Variants in CNTNAP2 observed in about 807,000 individuals in gnomAD.
The protein encoded by CNTNAP2 is contactin associated protein 2, also known as contactin-associated protein-like 2.
CNTNAP2 carries 98 observed loss-of-function variants against 155.2 expected under a neutral mutation model. The observed-to-expected ratio is 0.63, with a 90% CI of 0.54 to 0.75. CNTNAP2 has a LOEUF of 0.75. CNTNAP2 is among the 30% of genes least tolerant of loss of function. The pLI is 0.00. For missense variants in CNTNAP2, 1,727 were observed against 1,688.1 expected (o/e 1.02, Z -0.40); for synonymous variants, 651 against 631.2 (o/e 1.03, Z -0.47).
chr7:146,726,295 T>C (rs1801429911), intron 1 of CNTNAP2, among the ~76,000 whole-genome samples: 1 of 152,204 alleles, frequency 6.6e-6, no homozygotes, highest in East Asian at 1.9e-4. Context: ...TTAAACACTT[T>C]ATGATTTGAT....
chr7:146,842,277 G>A (rs1429564341), intron 3 of CNTNAP2, among the ~76,000 whole-genome samples: 2 of 152,100 alleles, frequency 1.3e-5, no homozygotes, highest in African/African-American at 4.8e-5. Flanking sequence ...ATGAAGATAT[G>A]CTGGGTCTAC....
Position 148,288,032 on chromosome 7 carries a change from G to C in CNTNAP2, c.3475+20906G>C, listed in dbSNP as rs528050748. Among the ~76,000 whole-genome samples, 13 of 148,900 alleles carry C rather than the reference G, an allele frequency of 8.7e-5. No homozygotes were observed. In the East Asian group the frequency reaches 2.6e-3, roughly 30 times the overall value. On this transcript the variant is annotated intron_variant, in intron 21 of 23. Transcript: ENST00000361727. ...GTCTCAATCTCTTGACTTCGTGATC[G>C]GCCCGCCTTGGCCCCCCAAAGTGCG...
chr7:146,513,839 A>G (rs1166282024), intron 1 of CNTNAP2, among the ~76,000 whole-genome samples: 4 of 151,938 alleles, frequency 2.6e-5, no homozygotes, highest in Admixed American at 2.6e-4. Context: ...TAAACTGAAA[A>G]ATTCATTTTA....
intron 3 of CNTNAP2, among the ~76,000 whole-genome samples, chr7:146,840,266 T>C (rs1006151519): frequency 6.6e-6 from 1 of 152,186 alleles, no homozygotes; most frequent in African/African-American, 2.4e-5. Flanking sequence ...ATTGAAATTA[T>C]GAAGAATATA....
chr7:147,031,550 G>T (rs1273710994), intron 3 of CNTNAP2, among the ~76,000 whole-genome samples: 1 of 152,222 alleles, frequency 6.6e-6, no homozygotes, highest in African/African-American at 2.4e-5. Flanking sequence ...ATAACGATAT[G>T]AGGGAATCTT....
intron 16 of CNTNAP2, among the ~76,000 whole-genome samples, chr7:148,122,855 C>CAAAAAAAAA (rs1226178688): frequency 7.3e-6 from 1 of 137,012 alleles, no homozygotes; most frequent in African/African-American, 2.9e-5. Flanking sequence ...GAATACATCT[C>CAAAAAAAAA]AAAAAAAAAA....
chr7:146,851,984 C>A (rs1020411938), intron 3 of CNTNAP2, among the ~76,000 whole-genome samples: 1 of 151,948 alleles, frequency 6.6e-6, no homozygotes, highest in Non-Finnish European at 1.5e-5. Flanking sequence ...CTGTGGCTGG[C>A]CTTGTTTTTC....
At chr7:147,724,106 A>G (rs1010601682) in intron 13 of CNTNAP2, among the ~76,000 whole-genome samples, 1 of 152,042 alleles carries the variant, frequency 6.6e-6, no homozygotes, top group African/African-American at 2.4e-5. Flanking sequence ...TAATGAGGCT[A>G]TAACATTTTC....
chr7:147,006,774 A>G (rs1798532496), intron 3 of CNTNAP2, among the ~76,000 whole-genome samples: 2 of 151,978 alleles, frequency 1.3e-5, no homozygotes, highest in African/African-American at 2.4e-5. Context: ...TCATTTTACT[A>G]TGTTTCCTTG....
chr7:148,148,787 C>G (rs1805243611), intron 17 of CNTNAP2, among the ~76,000 whole-genome samples: 1 of 152,150 alleles, frequency 6.6e-6, no homozygotes, highest in African/African-American at 2.4e-5. Context: ...CGGCCAACTA[C>G]AAAACAAAGG....
chr7:146,732,371 GT>G (rs1187116335), intron 1 of CNTNAP2, among the ~76,000 whole-genome samples: 5 of 152,076 alleles, frequency 3.3e-5, no homozygotes, highest in Non-Finnish European at 7.4e-5. Flanking sequence ...TGCTGTTCCA[GT>G]TAAACTTGAA....
intron 8 of CNTNAP2, among the ~76,000 whole-genome samples, chr7:147,230,462 T>C (rs1329150389): frequency 1.3e-5 from 2 of 152,160 alleles, no homozygotes; most frequent in Non-Finnish European, 2.9e-5. Flanking sequence ...TTTGCCATGT[T>C]GGCCAGGATG....
At chr7:147,771,124 T>A (rs2116535503) in intron 13 of CNTNAP2, among the ~76,000 whole-genome samples, 1 of 152,288 alleles carries the variant, frequency 6.6e-6, no homozygotes, top group Middle Eastern at 3.4e-3. Context: ...TTTTAATAAA[T>A]GAGGCTGAGA....
At chr7:147,117,636 T>C (rs1801016332) in intron 5 of CNTNAP2, among the ~76,000 whole-genome samples, 1 of 152,186 alleles carries the variant, frequency 6.6e-6, no homozygotes, top group Admixed American at 6.5e-5. Flanking sequence ...CTAAAAATTC[T>C]AGGCTATTTG....
intron 21 of CNTNAP2, among the ~76,000 whole-genome samples, chr7:148,370,392 G>A (rs181588097): frequency 2.0e-5 from 3 of 152,266 alleles, no homozygotes; most frequent in East Asian, 1.9e-4. Flanking sequence ...GGACAGCACC[G>A]GGGGCTGAAT....
intron 17 of CNTNAP2, among the ~76,000 whole-genome samples, chr7:148,161,657 G>A (rs560303608): frequency 3.2e-4 from 48 of 151,838 alleles, no homozygotes; most frequent in Non-Finnish European, 5.6e-4. Flanking sequence ...ACTAAATCTA[G>A]CCTCTCACTA....
chr7:146,526,140 T>G (rs1399412483), intron 1 of CNTNAP2, among the ~76,000 whole-genome samples: 1 of 152,138 alleles, frequency 6.6e-6, no homozygotes, highest in Non-Finnish European at 1.5e-5. Context: ...GACCCACAGC[T>G]TCACTACTCA....
At chr7:147,567,003 C>G (rs1294254011) in intron 12 of CNTNAP2, among the ~76,000 whole-genome samples, 2 of 152,044 alleles carry the variant, frequency 1.3e-5, no homozygotes, top group Non-Finnish European at 2.9e-5. Context: ...ACTTGGCATC[C>G]ATGCACACAT....
intron 10 of CNTNAP2, among the ~76,000 whole-genome samples, chr7:147,463,371 G>A (rs1337141925): frequency 6.6e-6 from 1 of 152,184 alleles, no homozygotes; most frequent in Admixed American, 6.5e-5. Context: ...TAGATGAGGA[G>A]AAGTTCCTTA....
Sources: gnomAD v4.1 joint callset for allele counts (sites outside exome capture counted in the v4.1 genomes callset) on GRCh38, gnomAD v4.1.1 for gene constraint, MANE v1.5 for transcripts, NCBI Gene and HGNC (gene_info 2026-07-23, HGNC 2026-07-21) for gene names.